The following USH2A variants were observed in gnomAD, a reference collection of about 807,000 sequenced individuals.
The protein encoded by USH2A is Usher syndrome 2A (autosomal recessive, mild).
In USH2A, 443 loss-of-function variants were observed where a neutral mutation model predicts 538.9. The observed-to-expected ratio is 0.82, with a 90% CI of 0.76 to 0.89. The LOEUF is 0.89. USH2A is among the 40% of genes least tolerant of loss of function. The pLI, the probability that USH2A is intolerant of heterozygous loss-of-function variation, is 0.00. For synonymous variants in USH2A, 2,413 were observed against 2,273.5 expected, an observed-to-expected ratio of 1.06 and a Z score of -1.75; for missense variants, 6,633 against 6,324.8, an observed-to-expected ratio of 1.05 and a Z score of -1.65.
intron 9 of USH2A, among the ~76,000 whole-genome samples, chr1:216,319,171 T>C (rs1288273278): frequency 6.6e-6 from 1 of 152,114 alleles, no homozygotes; most frequent in Non-Finnish European, 1.5e-5. Context: ...AGTGGCTTTG[T>C]GGAGGAGAGG....
chr1:215,740,729 C>G (rs561970139), intron 60 of USH2A, among the ~76,000 whole-genome samples: 3 of 152,306 alleles, frequency 2.0e-5, no homozygotes, highest in Non-Finnish European at 1.5e-5. Context: ...GGTCCCCAAA[C>G]TTTTTGGCAC....
At chr1:215,975,959 C>T (rs1026034674) in intron 35 of USH2A, among the ~76,000 whole-genome samples, 3 of 152,078 alleles carry the variant, frequency 2.0e-5, no homozygotes, top group African/African-American at 7.2e-5. Context: ...GAGCATGGAA[C>T]ATTTTTCCAT....
intron 37 of USH2A, among the ~76,000 whole-genome samples, chr1:215,960,481 G>T (rs936788505): frequency 1.3e-5 from 2 of 152,028 alleles, no homozygotes; most frequent in Non-Finnish European, 2.9e-5. Context: ...TGATCACTGG[G>T]AGTTGACTAT....
Position 216,146,504 on chromosome 1 carries a change from G to A in USH2A, c.4627+28748C>T, listed in dbSNP as rs376662068. 8.5e-5 allele frequency among the ~76,000 whole-genome samples: 13 copies of A among 152,152 alleles called. No individual in the cohort carries two copies. The South Asian group carries it at 1.5e-3, about 17-fold the overall frequency. The stretch of plus-strand genomic sequence containing the variant: ...CCTGCCTTGGTCCTTCACCCTTAGC[G>A]CCAAGTCCCGCTTTCCTGGGGCAGG... On this transcript the variant is annotated intron_variant, in intron 21 of 71. Coordinates refer to ENST00000307340, the MANE Select transcript of USH2A (RefSeq NM_206933.4).
At chr1:216,130,004 T>C (rs148135854) in intron 21 of USH2A, among the ~76,000 whole-genome samples, 2 of 152,020 alleles carry the variant, frequency 1.3e-5, no homozygotes, top group African/African-American at 4.8e-5. Flanking sequence ...TGGATATACA[T>C]ATGCAGAAGA....
chr1:215,659,451 T>C (rs569117123), intron 64 of USH2A, among the ~76,000 whole-genome samples: 1 of 152,298 alleles, frequency 6.6e-6, no homozygotes, highest in Admixed American at 6.5e-5. Context: ...TTGCATCTTA[T>C]GGAATGGGGG....
chr1:215,874,521 C>T (rs1664709696), intron 43 of USH2A, among the ~76,000 whole-genome samples: 1 of 152,034 alleles, frequency 6.6e-6, no homozygotes, highest in African/African-American at 2.4e-5. Flanking sequence ...TCTGAAGTTC[C>T]AAATATAATG....
At chr1:215,699,000 G>T (rs983957059) in intron 61 of USH2A, among the ~76,000 whole-genome samples, 2 of 152,130 alleles carry the variant, frequency 1.3e-5, no homozygotes, top group Non-Finnish European at 2.9e-5. Flanking sequence ...TTTGTATAAG[G>T]TCTAAGAAAG....
chr1:215,855,720 A>G (rs749708515), intron 44 of USH2A, among the ~76,000 whole-genome samples: 7 of 152,200 alleles, frequency 4.6e-5, no homozygotes, highest in Non-Finnish European at 1.0e-4. Context: ...AAGAACTCAC[A>G]TAGCCAAAGC....
chr1:215,655,725 CTTTTTTTTTT>C (rs766225635), intron 64 of USH2A, among the ~76,000 whole-genome samples: 12 of 96,192 alleles, frequency 1.2e-4, no homozygotes, highest in South Asian at 9.1e-4. Flanking sequence ...GCTAGTTATT[CTTTTTTTTTT>C]TTTTTTTTTT....
chr1:216,293,100 C>T (rs565709084), intron 9 of USH2A, among the ~76,000 whole-genome samples: 1 of 150,744 alleles, frequency 6.6e-6, no homozygotes, highest in East Asian at 2.0e-4. Context: ...TCTCTGCCCA[C>T]TGCAAGCTCC....
chr1:216,407,236 G>A (rs925849465), intron 3 of USH2A, among the ~76,000 whole-genome samples: 3 of 152,026 alleles, frequency 2.0e-5, no homozygotes, highest in Non-Finnish European at 4.4e-5. Context: ...TTTTTCAGAA[G>A]TATGTCATGT....
At chr1:216,080,758 TAGG>T (rs2031916473) in intron 26 of USH2A, among the ~76,000 whole-genome samples, 1 of 150,972 alleles carries the variant, frequency 6.6e-6, no homozygotes, top group Admixed American at 6.6e-5. Flanking sequence ...GGATAGAATC[TAGG>T]ATGACGGTAG....
intron 58 of USH2A, among the ~76,000 whole-genome samples, chr1:215,744,300 T>A (rs1660401499): frequency 6.6e-6 from 1 of 152,212 alleles, no homozygotes; most frequent in Admixed American, 6.5e-5. Flanking sequence ...ACAATTGTCA[T>A]TTTTCACCAT....
intron 9 of USH2A, among the ~76,000 whole-genome samples, chr1:216,309,597 T>G (rs1244153594): frequency 6.6e-6 from 1 of 152,148 alleles, no homozygotes; most frequent in Non-Finnish European, 1.5e-5. Context: ...AAAGGAGTGC[T>G]GAGAGGAAAC....
In USH2A at chr1:216,147,821, C is replaced by A. The variant is rs1461150413; in HGVS notation, c.4627+27431G>T. ...AACCTCCTCCCCCAGGAGCTTGCTACACGTGCTGGAAATCTGGCCACTGGG... is the reference window on the plus strand; with the variant it reads ...AACCTCCTCCCCCAGGAGCTTGCTAAACGTGCTGGAAATCTGGCCACTGGG... On this transcript the variant is annotated intron_variant, in intron 21 of 71. Transcript: ENST00000307340. Among the ~76,000 whole-genome samples, 6 of 150,746 alleles carry A rather than the reference C, an allele frequency of 4.0e-5. No individual in the cohort carries two copies. In the East Asian group the frequency reaches 1.2e-3, roughly 30 times the overall value.
intron 42 of USH2A, among the ~76,000 whole-genome samples, chr1:215,878,128 A>G (rs556208398): frequency 4.1e-4 from 62 of 152,282 alleles, no homozygotes; most frequent in Non-Finnish European, 6.9e-4. Context: ...GAATGATAGC[A>G]TTTTAGATTT....
At chr1:216,158,782 T>C (rs922744144) in intron 21 of USH2A, among the ~76,000 whole-genome samples, 1 of 152,198 alleles carries the variant, frequency 6.6e-6, no homozygotes, top group Admixed American at 6.5e-5. Context: ...ACTATATGGA[T>C]TCTACAGATC....
intron 47 of USH2A, among the ~76,000 whole-genome samples, chr1:215,835,962 G>A (rs572591487): frequency 5.9e-5 from 9 of 151,758 alleles, no homozygotes; most frequent in Non-Finnish European, 1.0e-4. Flanking sequence ...TTGGATACAA[G>A]CAATTTTTAA....
Sources: allele counts gnomAD v4.1 joint callset (sites outside exome capture counted in the v4.1 genomes callset), GRCh38; gene constraint gnomAD v4.1.1; transcripts MANE v1.5; gene names NCBI Gene and HGNC (gene_info 2026-07-23, HGNC 2026-07-21).